The following HOMER1 variants were observed in gnomAD, a reference collection of about 807,000 sequenced individuals.
HOMER1 encodes the protein homer protein homolog 1.
Under a neutral mutation model 48.9 loss-of-function variants are expected in HOMER1, and 3 were observed. The ratio of observed to expected loss-of-function variants is 0.06; its 90% confidence interval spans 0.03 to 0.16. HOMER1 has a LOEUF of 0.16. Among genes scored for constraint, HOMER1 ranks in the 10% least tolerant of loss-of-function variants. The pLI is 1.00. For synonymous variants in HOMER1, 134 were observed against 146.4 expected (o/e 0.92, Z 0.61); for missense variants, 247 against 411.4 (o/e 0.60, Z 3.46).
intron 8 of HOMER1, 101 bp from the exon 9 acceptor site, chr5:79,376,298 G>T: frequency 1.2e-6 from 1 of 830,614 alleles, no homozygotes; most frequent in South Asian, 2.2e-5. Flanking sequence ...AATGCAGTTT[G>T]ACTGTCAGGA....
At chr5:79,493,992 C>T (rs1752356654) in intron 1 of HOMER1, among the ~76,000 whole-genome samples, 1 of 152,200 alleles carries the variant, frequency 6.6e-6, no homozygotes. Context: ...AGGACCATTA[C>T]TTATCCAATC....
chr5:79,506,374 A>T lies in HOMER1; in HGVS notation c.5+6396T>A, dbSNP rs560745071. Among the ~76,000 whole-genome samples, 69 of 152,292 alleles carry T rather than the reference A, an allele frequency of 4.5e-4. 1 individual carries two copies. Among genetic ancestry groups the T allele is most frequent in the Non-Finnish European group, 7.6e-4 (52 of 68,020 alleles). ...TTCATCTTTTTTTCCTTTCTCAGAC[A>T]TTTCATGAAGGAGCACAGAAATGAC... On this transcript the variant is annotated intron_variant, in intron 1 of 8. Transcript: ENST00000334082.
At chr5:79,391,441 T>A (rs1232360344) in intron 8 of HOMER1, among the ~76,000 whole-genome samples, 9 of 151,322 alleles carry the variant, frequency 5.9e-5, no homozygotes, top group African/African-American at 2.2e-4. Flanking sequence ...AAATCTTTTT[T>A]TTTTTATGTA....
intron 5 of HOMER1, among the ~76,000 whole-genome samples, chr5:79,436,439 C>G (rs1191048524): frequency 6.6e-6 from 1 of 152,208 alleles, no homozygotes; most frequent in Non-Finnish European, 1.5e-5. Flanking sequence ...TGTAGACTCA[C>G]AGTTGTTACT....
chr5:79,404,064 C>T (rs1272304989), intron 5 of HOMER1, among the ~76,000 whole-genome samples: 1 of 152,158 alleles, frequency 6.6e-6, no homozygotes, highest in Non-Finnish European at 1.5e-5. Flanking sequence ...TTTAAACCAC[C>T]TACCAGTTTT....
At chr5:79,379,109 T>TTTATAAATTTATAA (rs1748864928) in intron 8 of HOMER1, among the ~76,000 whole-genome samples, 4 of 93,206 alleles carry the variant, frequency 4.3e-5, no homozygotes, top group Non-Finnish European at 8.0e-5. Context: ...TATATATATA[T>TTTATAAATTTATAA]ATATAAAATA....
At chr5:79,401,518 C>G (rs145660533) in intron 6 of HOMER1, among the ~76,000 whole-genome samples, 1 of 152,304 alleles carries the variant, frequency 6.6e-6, no homozygotes, top group African/African-American at 2.4e-5. Context: ...TCCCGCTTCA[C>G]CGTCAACACC....
At chr5:79,455,493 G>A (rs1432005109) in intron 2 of HOMER1, among the ~76,000 whole-genome samples, 1 of 152,106 alleles carries the variant, frequency 6.6e-6, no homozygotes, top group Non-Finnish European at 1.5e-5. Flanking sequence ...CTGTGAAGAC[G>A]TACCTTCTGC....
chr5:79,430,935 T>TA (rs1184280530), intron 5 of HOMER1, among the ~76,000 whole-genome samples: 1,932 of 144,904 alleles, frequency 0.013, 39 homozygotes, highest in African/African-American at 0.047. Context: ...AAAATAAAAA[T>TA]AAAAAAAAAA....
chr5:79,425,966 C>T (rs187118871), intron 5 of HOMER1, among the ~76,000 whole-genome samples: 3 of 151,220 alleles, frequency 2.0e-5, no homozygotes, highest in Non-Finnish European at 4.4e-5. Context: ...TTACAGACAC[C>T]GATGCAGCTA....
chr5:79,419,430 T>C (rs1371408982), intron 5 of HOMER1, among the ~76,000 whole-genome samples: 6 of 152,144 alleles, frequency 3.9e-5, no homozygotes, highest in Admixed American at 3.9e-4. Context: ...TTCCCAAGCT[T>C]GAGAGGGGCT....
At chr5:79,500,017 A>T (rs1037783367) in intron 1 of HOMER1, among the ~76,000 whole-genome samples, 3 of 152,166 alleles carry the variant, frequency 2.0e-5, no homozygotes, top group Non-Finnish European at 4.4e-5. Flanking sequence ...TTACAAGAAA[A>T]AGCTGAACTG....
intron 1 of HOMER1, among the ~76,000 whole-genome samples, chr5:79,502,462 A>G (rs1253846795): frequency 6.6e-6 from 1 of 152,214 alleles, no homozygotes; most frequent in Non-Finnish European, 1.5e-5. Flanking sequence ...GAGAAACTAC[A>G]AGATTGAGAA....
chr5:79,399,962 T>C (rs952435691), intron 6 of HOMER1, among the ~76,000 whole-genome samples: 1 of 152,214 alleles, frequency 6.6e-6, no homozygotes, highest in Non-Finnish European at 1.5e-5. Context: ...AAATATATTA[T>C]GTTTCTTAAG....
At chr5:79,445,765 T>C (rs1294359609) in intron 4 of HOMER1, among the ~76,000 whole-genome samples, 2 of 151,932 alleles carry the variant, frequency 1.3e-5, no homozygotes, top group Non-Finnish European at 1.5e-5. Context: ...AATGCAAAAA[T>C]TAGCCAGGTG....
chr5:79,378,222 C>CAAAAAA (rs58802660), intron 8 of HOMER1, among the ~76,000 whole-genome samples: 10 of 85,556 alleles, frequency 1.2e-4, no homozygotes, highest in African/African-American at 3.1e-4. Flanking sequence ...GACTCTGTCT[C>CAAAAAA]AAAAAAAAAA....
At chr5:79,413,771 A>G (rs1378867820) in intron 5 of HOMER1, among the ~76,000 whole-genome samples, 5 of 151,862 alleles carry the variant, frequency 3.3e-5, no homozygotes, top group Non-Finnish European at 7.4e-5. Flanking sequence ...GCCCTAAGCT[A>G]TAATAGGTCA....
At chr5:79,408,018 TTATTA>T (rs1361776212) in intron 5 of HOMER1, among the ~76,000 whole-genome samples, 4 of 152,202 alleles carry the variant, frequency 2.6e-5, no homozygotes, top group Non-Finnish European at 4.4e-5. Context: ...TTGTCCTATT[TTATTA>T]TTAGTTCATG....
intron 1 of HOMER1, among the ~76,000 whole-genome samples, chr5:79,458,745 T>G (rs1199364307): frequency 1.3e-5 from 2 of 152,202 alleles, no homozygotes; most frequent in African/African-American, 4.8e-5. Context: ...GAGCCATTAC[T>G]TCTTGTTTAA....
Sources: allele counts gnomAD v4.1 joint callset (sites outside exome capture counted in the v4.1 genomes callset), GRCh38; gene constraint gnomAD v4.1.1; transcripts MANE v1.5; gene names NCBI Gene and HGNC (gene_info 2026-07-23, HGNC 2026-07-21).